Variants in DTHD1 observed in about 807,000 individuals in gnomAD.
DTHD1 encodes death domain-containing protein 1.
Under a neutral mutation model 74.8 loss-of-function variants are expected in DTHD1, and 59 were observed. The ratio of observed to expected loss-of-function variants is 0.79; its 90% CI spans 0.64 to 0.98. DTHD1 has a LOEUF of 0.98. Ranked by LOEUF, DTHD1 falls within the 50% of genes least tolerant of loss-of-function variation. The pLI, the probability that DTHD1 is intolerant of heterozygous loss-of-function variation, is 0.00. For missense variants in DTHD1, 1,051 were observed against 1,065.4 expected, an observed-to-expected ratio of 0.99 and a Z score of 0.19; for synonymous variants, 365 against 371.1, an observed-to-expected ratio of 0.98 and a Z score of 0.19.
At chr4:36,329,822 T>A (rs1031765912) in intron 8 of DTHD1, among the ~76,000 whole-genome samples, 1 of 152,210 alleles carries the variant, frequency 6.6e-6, no homozygotes, top group Non-Finnish European at 1.5e-5. Context: ...AAAGCTTTCT[T>A]TTTGACAGAG....
At position 36,294,889 on chromosome 4, in the gene DTHD1, A is replaced by G. The variant is rs1291112440; in HGVS notation, c.1493A>G (p.Gln498Arg). The change falls in exon 5 of 10, where the codon CAG (glutamine) becomes CGG (arginine). Residue 498 changes from glutamine to arginine, a missense_variant. By Grantham distance (43) the Gln-to-Arg change is conservative. Coordinates refer to ENST00000639862, the MANE Select transcript of DTHD1 (RefSeq NM_001170700.3). Reference protein sequence around the residue: ...VQSTSPLIHIQHPSTYPFQKP... With the variant: ...VQSTSPLIHIRHPSTYPFQKP... ...TCCACAAGCCCTCTGATTCACATTC[A>G]GCACCCATCAACTTATCCTTTTCAG... is the stretch of plus-strand genomic sequence containing the variant. 3.2e-6 allele frequency: 5 copies of G among 1,551,872 alleles called. No individual in the cohort carries two copies. The highest frequency in any genetic ancestry group is 4.4e-6 in the Non-Finnish European group (5 of 1,146,846).
Position 36,316,374 on chromosome 4 carries a change from T to C in DTHD1, c.2228T>C (p.Val743Ala). 6.4e-7 allele frequency: 1 copy of C among 1,552,188 alleles called. No homozygotes were observed. The highest frequency in any genetic ancestry group is 2.0e-5 in the Admixed American group (1 of 51,008). The change falls in exon 8 of 10, where the codon GTC becomes GCC. Residue 743 changes from valine (V) to alanine (A), a missense_variant. Transcript: ENST00000639862. ...YSCPHYKGTI[V>A]VYKVPKGKIV... ...TGCCCTCATTACAAAGGCACCATTG[T>C]CGTTTATAAAGTACCTAAAGGAAAG...
rs561023019 is a variant in DTHD1, at chr4:36,294,664, T to A, written c.1399-131T>A. On this transcript the variant is annotated intron_variant, in intron 4 of 9. Coordinates refer to ENST00000639862, the MANE Select transcript of DTHD1 (RefSeq NM_001170700.3). ...ATATTTTATAAAATGCATTGTTGAT[T>A]ACAACTAACAATACATAGAGAAATG... 82 of 789,906 alleles carry A rather than the reference T, an allele frequency of 1.0e-4. 1 individual carries two copies. In the African/African-American group the frequency reaches 1.3e-3, roughly 13 times the overall value. 48.9% of individuals were successfully genotyped at this position (789,906 alleles called of 1,614,324 possible).
intron 8 of DTHD1, among the ~76,000 whole-genome samples, chr4:36,328,151 T>C (rs560136997): frequency 6.6e-6 from 1 of 152,338 alleles, no homozygotes; most frequent in South Asian, 2.1e-4. Context: ...GCTTCCATGA[T>C]TGGTAGTAGC....
intron 7 of DTHD1, among the ~76,000 whole-genome samples, chr4:36,309,381 G>A (rs894870509): frequency 6.6e-6 from 1 of 152,222 alleles, no homozygotes; most frequent in Non-Finnish European, 1.5e-5. Flanking sequence ...GAACCCGGGA[G>A]GCGGAGGTTG....
At chr4:36,296,570 C>T (rs1380232074) in intron 5 of DTHD1, among the ~76,000 whole-genome samples, 3 of 151,866 alleles carry the variant, frequency 2.0e-5, no homozygotes, top group African/African-American at 7.3e-5. Flanking sequence ...GTAAAATAAT[C>T]TGTTATGACA....
intron 5 of DTHD1, among the ~76,000 whole-genome samples, chr4:36,297,377 G>T (rs1756494445): frequency 6.6e-6 from 1 of 152,078 alleles, no homozygotes; most frequent in Non-Finnish European, 1.5e-5. Flanking sequence ...CTATCTAGGA[G>T]TACAGCGTAA....
chr4:36,285,195 C>A (rs936732069), intron 2 of DTHD1, among the ~76,000 whole-genome samples: 1 of 151,862 alleles, frequency 6.6e-6, no homozygotes, highest in Non-Finnish European at 1.5e-5. Context: ...TGAGTAGATA[C>A]GAAAGTAGTT....
intron 8 of DTHD1, among the ~76,000 whole-genome samples, chr4:36,338,531 T>C (rs1382624519): frequency 6.6e-6 from 1 of 151,702 alleles, no homozygotes; most frequent in Non-Finnish European, 1.5e-5. Context: ...GCTAGGGATC[T>C]GAACCCAGAT....
At position 36,316,382 on chromosome 4, in the gene DTHD1, A is replaced by G. The variant is rs1215523979; in HGVS notation, c.2236A>G (p.Lys746Glu). 2 of 1,552,176 alleles carry G rather than the reference A, an allele frequency of 1.3e-6. No individual in the cohort carries two copies. The highest frequency in any genetic ancestry group is 1.2e-5 in the South Asian group (1 of 84,066). ...PHYKGTIVVYKVPKGKIVPNL... is the reference protein window; with the variant it reads ...PHYKGTIVVYEVPKGKIVPNL... ...TTACAAAGGCACCATTGTCGTTTAT[A>G]AAGTACCTAAAGGAAAGATAGTCCC... The change falls in exon 8 of 10, where the codon AAA (lysine) becomes GAA (glutamate). Residue 746 changes from lysine (K) to glutamate (E), a missense_variant. Coordinates refer to ENST00000639862, the MANE Select transcript of DTHD1 (RefSeq NM_001170700.3).
chr4:36,328,434 T>A lies in DTHD1; in HGVS notation c.2341-10678T>A, dbSNP rs534091278. Among the ~76,000 whole-genome samples, 3 of 152,366 alleles carry A rather than the reference T, an allele frequency of 2.0e-5. No individual in the cohort carries two copies. The South Asian group carries it at 6.2e-4, about 32-fold the overall frequency. The stretch of plus-strand genomic sequence containing the variant: ...GCAGATTATTGGTGGATGCTGGTAC[T>A]ACGATCTTTTAATGTACTTATTTAG... On this transcript the variant is annotated intron_variant, in intron 8 of 9. Transcript: ENST00000639862.
intron 5 of DTHD1, among the ~76,000 whole-genome samples, chr4:36,296,445 AT>A (rs1756402369): frequency 6.6e-6 from 1 of 152,162 alleles, no homozygotes; most frequent in African/African-American, 2.4e-5. Flanking sequence ...AGCAAAAAAA[AT>A]CAAAAGTAAA....
intron 7 of DTHD1, among the ~76,000 whole-genome samples, chr4:36,310,623 T>A (rs1049079061): frequency 6.6e-6 from 1 of 152,170 alleles, no homozygotes; most frequent in Non-Finnish European, 1.5e-5. Context: ...TTATGCCTAT[T>A]TTCTCTCTGA....
At chr4:36,285,399 T>C (rs1755641570) in intron 2 of DTHD1, among the ~76,000 whole-genome samples, 1 of 152,186 alleles carries the variant, frequency 6.6e-6, no homozygotes, top group Admixed American at 6.5e-5. Flanking sequence ...AGGGATTTTA[T>C]GGATGAGCTT....
intron 5 of DTHD1, among the ~76,000 whole-genome samples, chr4:36,299,100 T>G (rs1756610884): frequency 6.6e-6 from 1 of 152,094 alleles, no homozygotes. Flanking sequence ...CCCACCAAAT[T>G]TAACCACTAT....
In DTHD1 at chr4:36,344,392, T is replaced by C. The variant is rs1759489750; in HGVS notation, c.*568T>C. 6.6e-6 allele frequency: 1 copy of C among 152,484 alleles called. No individual in the cohort carries two copies. Among genetic ancestry groups the C allele is most frequent in the South Asian group, 2.1e-4 (1 of 4,844 alleles). The allele number at this position is 152,484 out of a possible 1,614,324, so 9.4% of individuals were successfully genotyped here. On this transcript the variant is annotated 3_prime_UTR_variant, in exon 10 of 10. Coordinates refer to ENST00000639862, the MANE Select transcript of DTHD1 (RefSeq NM_001170700.3). ...CAATCAATACATGTAAGGTGTACAT[T>C]GGCTCAATCTGGAAAGGTAGGACAA...
At chr4:36,333,736 G>A (rs1455688285) in intron 8 of DTHD1, 1 of 152,482 alleles carries the variant, frequency 6.6e-6, no homozygotes, top group Non-Finnish European at 1.5e-5. Flanking sequence ...CATGCTACGT[G>A]GTGATAGATG....
At chr4:36,286,369 C>T (rs951625166) in intron 2 of DTHD1, among the ~76,000 whole-genome samples, 1 of 152,160 alleles carries the variant, frequency 6.6e-6, no homozygotes, top group Non-Finnish European at 1.5e-5. Context: ...AGCACCCAAA[C>T]CAATTGTGCT....
chr4:36,321,256 G>A (rs1308886329), intron 8 of DTHD1, among the ~76,000 whole-genome samples: 2 of 152,194 alleles, frequency 1.3e-5, no homozygotes, highest in Non-Finnish European at 2.9e-5. Flanking sequence ...TCTGGGCCAT[G>A]AAATGGTAGC....
Sources: allele counts gnomAD v4.1 joint callset (sites outside exome capture counted in the v4.1 genomes callset), GRCh38; gene constraint gnomAD v4.1.1; transcripts MANE v1.5; gene names NCBI Gene and HGNC (gene_info 2026-07-23, HGNC 2026-07-21).